The following SPOP variants were observed in gnomAD, a reference collection of about 807,000 sequenced individuals.
SPOP encodes the protein speckle-type POZ protein.
In SPOP, 11 loss-of-function variants were observed where a neutral mutation model predicts 45.6. That is an observed-to-expected ratio of 0.24 (90% CI 0.15 to 0.40). The LOEUF (loss-of-function observed/expected upper bound fraction) is 0.40. Ranked by LOEUF, SPOP falls within the 10% of genes least tolerant of loss-of-function variation. The pLI is 1.00. For missense variants in SPOP, 152 were observed against 465.6 expected, an observed-to-expected ratio of 0.33 and a Z score of 6.20; for synonymous variants, 166 against 166.3, an observed-to-expected ratio of 1.00 and a Z score of 0.01.
chr17:49,608,842 A>G (rs2071906433), intron 6 of SPOP, among the ~76,000 whole-genome samples: 1 of 152,164 alleles, frequency 6.6e-6, no homozygotes, highest in Non-Finnish European at 1.5e-5. Context: ...TTGAGCTAAC[A>G]GAGAACTGGA....
chr17:49,627,105 T>C (rs1329791812), intron 1 of SPOP, among the ~76,000 whole-genome samples: 3 of 152,194 alleles, frequency 2.0e-5, no homozygotes, highest in Non-Finnish European at 4.4e-5. Flanking sequence ...CACCTTGGCC[T>C]CCCAAAGTGC....
intron 1 of SPOP, among the ~76,000 whole-genome samples, chr17:49,623,314 CTAAATT>C (rs907940996): frequency 6.6e-6 from 1 of 152,038 alleles, no homozygotes; most frequent in African/African-American, 2.4e-5. Context: ...AGCCGAGGTC[CTAAATT>C]TAAATGTTAA....
chr17:49,644,377 T>C (rs1388148842), intron 1 of SPOP, among the ~76,000 whole-genome samples: 1 of 152,088 alleles, frequency 6.6e-6, no homozygotes, highest in East Asian at 1.9e-4. Flanking sequence ...TGACTATAAA[T>C]ACCAAAGTGT....
intron 1 of SPOP, among the ~76,000 whole-genome samples, chr17:49,650,529 A>G (rs1439064814): frequency 6.6e-6 from 1 of 152,162 alleles, no homozygotes; most frequent in African/African-American, 2.4e-5. Context: ...ACAGTGAGCC[A>G]AGCTCGTGCC....
chr17:49,666,454 C>G (rs1168733967), intron 1 of SPOP, among the ~76,000 whole-genome samples: 2,033 of 44,316 alleles, frequency 0.046, 49 homozygotes, highest in African/African-American at 0.18. Context: ...GACAGACACA[C>G]ACACACACAC....
chr17:49,660,331 T>G (rs1339235981), intron 1 of SPOP, among the ~76,000 whole-genome samples: 1 of 152,210 alleles, frequency 6.6e-6, no homozygotes, highest in Non-Finnish European at 1.5e-5. Context: ...CTACAGATAT[T>G]TACTCAAGCA....
At chr17:49,626,723 A>G (rs2072338716) in intron 1 of SPOP, among the ~76,000 whole-genome samples, 1 of 152,112 alleles carries the variant, frequency 6.6e-6, no homozygotes, top group South Asian at 2.1e-4. Flanking sequence ...ACAATAACTC[A>G]ACTCACAAAT....
At chr17:49,677,094 T>A (rs1035893354) in intron 1 of SPOP, among the ~76,000 whole-genome samples, 2 of 152,168 alleles carry the variant, frequency 1.3e-5, no homozygotes, top group Non-Finnish European at 2.9e-5. Flanking sequence ...TCTTATCTAG[T>A]TCTGCGAATT....
chr17:49,622,449 C>A (rs1417317193), intron 2 of SPOP: 1 of 522,544 alleles, frequency 1.9e-6, no homozygotes, highest in African/African-American at 1.9e-5. Flanking sequence ...ACTTGTTTCC[C>A]CAACAGAGGA....
chr17:49,641,807 A>G (rs902858617), intron 1 of SPOP, among the ~76,000 whole-genome samples: 4 of 152,216 alleles, frequency 2.6e-5, no homozygotes, highest in Middle Eastern at 3.4e-3. Flanking sequence ...GGATCACCTG[A>G]GGTGAGGAGT....
Position 49,601,848 on chromosome 17 carries a change from T to C in SPOP, c.980+17A>G, listed in dbSNP as rs2143109340. The C allele has an allele frequency of 6.2e-7, 1 of 1,612,372 alleles. No individual in the cohort carries two copies. The highest frequency in any genetic ancestry group is 1.1e-5 in the South Asian group (1 of 90,948). ...TCCAACTATTTTGAAAGAAGAACTTTGAAGATGCCAACTCACTAGTTGATG... is the reference window on the plus strand; with the variant it reads ...TCCAACTATTTTGAAAGAAGAACTTCGAAGATGCCAACTCACTAGTTGATG... On this transcript the variant is annotated intron_variant, in intron 9 of 9. Coordinates refer to ENST00000504102, the MANE Select transcript of SPOP (RefSeq NM_001007228.2).
intron 1 of SPOP, among the ~76,000 whole-genome samples, chr17:49,649,745 C>T (rs190982346): frequency 1.3e-5 from 2 of 149,386 alleles, no homozygotes; most frequent in East Asian, 2.0e-4. Flanking sequence ...AGGAGAATAG[C>T]GTGAACCCGG....
intron 1 of SPOP, among the ~76,000 whole-genome samples, chr17:49,638,611 G>A (rs2072588525): frequency 6.6e-6 from 1 of 151,744 alleles, no homozygotes; most frequent in East Asian, 1.9e-4. Context: ...ATCTCTTCCT[G>A]AAAATGTAAG....
At chr17:49,674,752 T>C (rs1269970536) in intron 1 of SPOP, among the ~76,000 whole-genome samples, 2 of 152,198 alleles carry the variant, frequency 1.3e-5, no homozygotes, top group Non-Finnish European at 2.9e-5. Flanking sequence ...ACAGAGAAAC[T>C]AGCATCTAAG....
At chr17:49,616,646 G>A (rs760770258) in intron 5 of SPOP, among the ~76,000 whole-genome samples, 3 of 152,096 alleles carry the variant, frequency 2.0e-5, no homozygotes, top group Non-Finnish European at 4.4e-5. Flanking sequence ...ACACCCCCAC[G>A]CAACCGTCTT....
intron 3 of SPOP, chr17:49,620,576 A>G (rs1196480259): frequency 6.5e-6 from 1 of 154,180 alleles, no homozygotes; most frequent in African/African-American, 2.4e-5. Context: ...CTAAAATAAA[A>G]GAGGCAATAT....
intron 5 of SPOP, among the ~76,000 whole-genome samples, chr17:49,616,086 C>A (rs1471538714): frequency 6.6e-6 from 1 of 152,186 alleles, no homozygotes; most frequent in Non-Finnish European, 1.5e-5. Flanking sequence ...ACAGTCATAT[C>A]ACCCTGAACA....
In SPOP at chr17:49,619,433, A is replaced by T; in HGVS notation, c.201-48T>A. Reference sequence around the variant, plus strand: ...AAAAATGTCAAAAGCATCCATTTTGATAGAACTGGAAATCAGACTCAAGAG... The same window carrying T: ...AAAAATGTCAAAAGCATCCATTTTGTTAGAACTGGAAATCAGACTCAAGAG... On this transcript the variant is annotated intron_variant, in intron 3 of 9. Coordinates refer to ENST00000504102, the MANE Select transcript of SPOP (RefSeq NM_001007228.2). This position sits in a 1 kb window ranked among gnomAD's most constrained non-coding sequence, Gnocchi z 4.9. The T allele has an allele frequency of 6.4e-7, 1 of 1,568,114 alleles. No homozygotes were observed. Among genetic ancestry groups the T allele is most frequent in the Non-Finnish European group, 8.6e-7 (1 of 1,159,124 alleles).
At position 49,625,475 on chromosome 17, in the gene SPOP, G is replaced by A. The variant is rs540081355; in HGVS notation, c.-66-2599C>T. The stretch of plus-strand genomic sequence containing the variant: ...AACACAAAATTAGCTGGCTGTGGTG[G>A]CATGCACCTGTCATCCCAGCTACTC... On this transcript the variant is annotated intron_variant, in intron 1 of 9. Transcript: ENST00000504102. Among the ~76,000 whole-genome samples, 10 of 152,218 alleles carry A rather than the reference G, an allele frequency of 6.6e-5. No individual in the cohort carries two copies. The East Asian group carries it at 1.9e-3, about 29-fold the overall frequency.
Sources: gnomAD v4.1 joint callset for allele counts (sites outside exome capture counted in the v4.1 genomes callset) on GRCh38, gnomAD v4.1.1 for gene constraint, Gnocchi (gnomAD v3.1) non-coding constraint, MANE v1.5 for transcripts, NCBI Gene and HGNC (gene_info 2026-07-23, HGNC 2026-07-21) for gene names.